MUC12: variants seen among roughly 807,000 people sequenced by gnomAD.
MUC12 encodes the protein mucin-12.
A neutral mutation model predicts 230.8 loss-of-function variants in MUC12; 172 were observed. The observed-to-expected ratio is 0.75, with a 90% confidence interval of 0.66 to 0.85. MUC12 has a LOEUF of 0.85. MUC12 is among the 40% of genes least tolerant of loss of function. The pLI is 0.00. For synonymous variants in MUC12, 1,259 were observed against 2,401.9 expected, an observed-to-expected ratio of 0.52 and a Z score of 13.91; for missense variants, 3,506 against 5,920.6, an observed-to-expected ratio of 0.59 and a Z score of 13.38.
chr7:100,973,928 G>A (rs1792966054), intron 1 of MUC12, among the ~76,000 whole-genome samples: 1 of 152,092 alleles, frequency 6.6e-6, no homozygotes, highest in African/African-American at 2.4e-5. Context: ...CAAGGCAGGA[G>A]GATCCCTTAA....
chr7:100,991,628 T>G lies in MUC12; in HGVS notation c.1065T>G (p.Val355=). 6.5e-7 allele frequency: 1 copy of G among 1,536,910 alleles called. No homozygotes were observed. Among genetic ancestry groups the G allele is most frequent in the Non-Finnish European group, 8.7e-7 (1 of 1,146,322 alleles). Residue 355 remains valine (V), a synonymous_variant, in exon 2 of 12, where the codon GTT becomes GTG. Transcript: ENST00000536621. Reference sequence around the variant, plus strand: ...CCCGCTCCGCGACCTCAGGCCATGTTGAAGAATCTACAGCCTACCACAGGA... The same window carrying G: ...CCCGCTCCGCGACCTCAGGCCATGTGGAAGAATCTACAGCCTACCACAGGA... The part of the protein sequence containing the change: ...PPARSATSGH[V]EESTAYHRSP...
At chr7:100,976,786 C>T (rs1449947846) in intron 1 of MUC12, among the ~76,000 whole-genome samples, 2 of 152,006 alleles carry the variant, frequency 1.3e-5, no homozygotes, top group East Asian at 1.9e-4. Context: ...CGTGGTGTCT[C>T]ACGCCTGTAA....
chr7:100,986,266 G>A (rs1229926109), intron 1 of MUC12, among the ~76,000 whole-genome samples: 3 of 152,092 alleles, frequency 2.0e-5, no homozygotes, highest in Non-Finnish European at 2.9e-5. Context: ...TTGGGAGGCT[G>A]AGGCAGGAGG....
chr7:101,004,337 C>T lies in MUC12; in HGVS notation c.13774C>T (p.Arg4592Cys), dbSNP rs1402980232. 16 of 1,308,150 alleles carry T rather than the reference C, an allele frequency of 1.2e-5. No individual in the cohort carries two copies. In the South Asian group the frequency reaches 1.4e-4, roughly 11 times the overall value. The allele number at this position is 1,308,150 out of a possible 1,614,324, so 81.0% of individuals were successfully genotyped here. A position where few individuals can be genotyped will look rare whatever the true frequency, so the allele number is the denominator to read the frequency against. Residue 4592 changes from arginine to cysteine, a missense_variant, in exon 2 of 12, where the codon CGC becomes TGC. Coordinates refer to ENST00000536621, the MANE Select transcript of MUC12 (RefSeq NM_001164462.2). Reference protein sequence around the residue: ...VATATTPSPARSTTSGLVEES... With the variant: ...VATATTPSPACSTTSGLVEES... ...AACTGCAACAACACCCTCGCCTGCC[C>T]GCTCCACAACCTCAGGCCTCGTTGA...
chr7:101,017,632 C>T lies in MUC12; in HGVS notation c.15935C>T (p.Pro5312Leu), dbSNP rs1427367952. 6.5e-7 allele frequency: 1 copy of T among 1,536,042 alleles called. No homozygotes were observed. The highest frequency in any genetic ancestry group is 8.7e-7 in the Non-Finnish European group (1 of 1,146,212). The change falls in exon 11 of 12, where the codon CCC becomes CTC. Residue 5312 changes from proline to leucine, a missense_variant. By Grantham distance (98) the Pro-to-Leu change is moderately conservative (BLOSUM62 -3). Coordinates refer to ENST00000536621, the MANE Select transcript of MUC12 (RefSeq NM_001164462.2). The part of the protein sequence containing the change: ...GLENAYNNFR[P>L]TLETVDSGTE... ...GAGAACGCCTACAACAACTTCCGGC[C>T]CACCCTGGAGACTGTTGACTCTGGC...
chr7:100,988,892 G>GT (rs769546638), intron 1 of MUC12, among the ~76,000 whole-genome samples: 5 of 152,038 alleles, frequency 3.3e-5, no homozygotes, highest in Non-Finnish European at 7.4e-5. Context: ...TAATGAATAA[G>GT]TAAGTCTCAC....
At position 100,992,243 on chromosome 7, in the gene MUC12, C is replaced by A; in HGVS notation, c.1680C>A (p.Asp560Glu). 2.0e-6 allele frequency: 3 copies of A among 1,537,210 alleles called. No individual in the cohort carries two copies. Among genetic ancestry groups the A allele is most frequent in the Non-Finnish European group, 8.7e-7 (1 of 1,146,516 alleles). ...TASHSSPGPT[D>E]TTLSPGSTTA... ...CCCACAGCAGCCCAGGCCCCACAGA[C>A]ACAACATTGTCCCCTGGCAGTACCA... Residue 560 changes from aspartate (D) to glutamate (E), a missense_variant, in exon 2 of 12, where the codon GAC becomes GAA. Coordinates refer to ENST00000536621, the MANE Select transcript of MUC12 (RefSeq NM_001164462.2).
Position 100,995,446 on chromosome 7 carries a change from T to G in MUC12, c.4883T>G (p.Leu1628Arg), listed in dbSNP as rs867844878. 6.5e-6 allele frequency: 10 copies of G among 1,532,482 alleles called. No homozygotes were observed. Among genetic ancestry groups the G allele is most frequent in the African/African-American group, 5.6e-5 (4 of 71,090 alleles). 94.9% of individuals were successfully genotyped at this position (1,532,482 alleles called of 1,614,324 possible). ...CCTGGCAGTACCACAGCATCATCCCTTGGTCCAGAATCTACTACTTTCCAC... is the reference window on the plus strand; with the variant it reads ...CCTGGCAGTACCACAGCATCATCCCGTGGTCCAGAATCTACTACTTTCCAC... ...LSPGSTTASS[L>R]GPESTTFHSS... The change falls in exon 2 of 12, where the codon CTT (leucine) becomes CGT (arginine). Residue 1628 changes from leucine to arginine, a missense_variant. By Grantham distance (102) the Leu-to-Arg change is moderately radical (BLOSUM62 -2). Coordinates refer to ENST00000536621, the MANE Select transcript of MUC12 (RefSeq NM_001164462.2).
At chr7:101,005,663 G>A (rs746266875) in intron 2 of MUC12, 144 bp downstream of exon 2, 610 of 1,042,860 alleles carry the variant, frequency 5.8e-4, no homozygotes, top group Non-Finnish European at 7.8e-4. Context: ...TTCTGGGTTC[G>A]ATACCACTTC....
Position 101,005,253 on chromosome 7 carries a change from C to G in MUC12, c.14690C>G (p.Thr4897Arg), listed in dbSNP as rs1457898977. 3 of 1,537,806 alleles carry G rather than the reference C, an allele frequency of 2.0e-6. No homozygotes were observed. The highest frequency in any genetic ancestry group is 2.4e-5 in the East Asian group (1 of 40,938). ...FTHTVLPATL[T>R]TTDIGQESTA... ...CACACAGTGTTACCTGCCACCCTCA[C>G]AACCACAGACATTGGTCAGGAATCA... The change falls in exon 2 of 12, where the codon ACA (threonine) becomes AGA (arginine). Residue 4897 changes from threonine (T) to arginine (R), a missense_variant. By Grantham distance (71) the Thr-to-Arg change is moderately conservative (BLOSUM62 -1). Transcript: ENST00000536621.
chr7:100,980,162 G>T lies in MUC12; in HGVS notation c.68-10469G>T, dbSNP rs113808907. The stretch of plus-strand genomic sequence containing the variant: ...AAGTTCAAGTGATTCCCCTGCCTCA[G>T]CCTCCCGAGTAGCTGGGTCTATAGG... On this transcript the variant is annotated intron_variant, in intron 1 of 11. Transcript: ENST00000536621. 6.3e-3 allele frequency among the ~76,000 whole-genome samples: 954 copies of T among 152,096 alleles called. 9 individuals are homozygous for T. The highest frequency in any genetic ancestry group is 0.022 in the African/African-American group (895 of 41,502).
intron 10 of MUC12, chr7:101,017,208 G>T (rs570012571): frequency 1.0e-4 from 20 of 193,570 alleles, no homozygotes; most frequent in African/African-American, 4.2e-4. Flanking sequence ...GCCTGCTATG[G>T]TTACCGTTGC....
chr7:100,982,874 C>T (rs1793130474), intron 1 of MUC12, among the ~76,000 whole-genome samples: 1 of 152,076 alleles, frequency 6.6e-6, no homozygotes, highest in Non-Finnish European at 1.5e-5. Context: ...GAACTGACTA[C>T]AGGTGCATGT....
chr7:101,010,930 G>GT, intron 5 of MUC12, among the ~76,000 whole-genome samples: 1 of 151,986 alleles, frequency 6.6e-6, no homozygotes, highest in Non-Finnish European at 1.5e-5. Flanking sequence ...GATTACAAGC[G>GT]TAAGCCACCA....
chr7:100,982,439 TC>T lies in MUC12; in HGVS notation c.68-8191del, dbSNP rs1395023527. Among the ~76,000 whole-genome samples, 10 of 143,360 alleles carry T rather than the reference TC, an allele frequency of 7.0e-5. No homozygotes were observed. The East Asian group carries it at 8.0e-4, about 11-fold the overall frequency. 94.0% of individuals were successfully genotyped at this position (143,360 alleles called of 152,430 possible). On this transcript the variant is annotated intron_variant, in intron 1 of 11. Transcript: ENST00000536621. ...AGTAAAAGTCATTTTTCTTTTCTTT[TC>T]TTTTTTTTTTTTTAGAAACAGGGTC...
intron 10 of MUC12, 43 bp from the exon 11 acceptor site, chr7:101,017,532 C>T: frequency 2.3e-6 from 3 of 1,293,938 alleles, no homozygotes; most frequent in Non-Finnish European, 3.2e-6. Context: ...CTAGTCCTCC[C>T]CCTACCAAGG....
At chr7:100,981,261 C>T (rs781480689) in intron 1 of MUC12, 10 of 419,602 alleles carry the variant, frequency 2.4e-5, no homozygotes, top group African/African-American at 1.4e-4. Context: ...GAAGGACCGC[C>T]GCACTTGCTC....
chr7:101,012,914 G>A, intron 7 of MUC12, 24 bp downstream of exon 7: 1 of 1,537,244 alleles, frequency 6.5e-7, no homozygotes, highest in Non-Finnish European at 8.7e-7. Context: ...TGGAGCGTGG[G>A]CACTAAGAGT....
At position 101,009,103 on chromosome 7, in the gene MUC12, C is replaced by T. The variant is rs142500707; in HGVS notation, c.15195C>T (p.Val5065=). 1.8e-4 allele frequency: 279 copies of T among 1,537,770 alleles called. 1 individual carries two copies. In the African/African-American group the frequency reaches 2.5e-3, roughly 14 times the overall value. The change falls in exon 5 of 12, where the codon GTC becomes GTT. Residue 5065 remains valine (V), a synonymous_variant. Transcript: ENST00000536621. Reference sequence around the variant, plus strand: ...TGCCTTGTTTCTTTCAGATGGATGTCGTTTTGAAGGGCGACAATCTTCCTC... The same window carrying T: ...TGCCTTGTTTCTTTCAGATGGATGTTGTTTTGAAGGGCGACAATCTTCCTC... ...FSTLFKNRMD[V]VLKGDNLPQY...
Sources: allele counts gnomAD v4.1 joint callset (sites outside exome capture counted in the v4.1 genomes callset), GRCh38; gene constraint gnomAD v4.1.1; transcripts MANE v1.5; gene names NCBI Gene and HGNC (gene_info 2026-07-23, HGNC 2026-07-21).